MEIS2: variants seen among roughly 807,000 people sequenced by gnomAD.
MEIS2 encodes the protein Meis homeobox 2.
Under a neutral mutation model 58.6 loss-of-function variants are expected in MEIS2, and 9 were observed. The observed-to-expected ratio is 0.15, with a 90% CI of 0.09 to 0.27. The LOEUF (loss-of-function observed/expected upper bound fraction) is 0.27. Among genes scored for constraint, MEIS2 ranks in the 10% least tolerant of loss-of-function variants. The pLI, the probability that MEIS2 is intolerant of heterozygous loss-of-function variation, is 1.00. For synonymous variants in MEIS2, 221 were observed against 228.4 expected (o/e 0.97, Z 0.29); for missense variants, 427 against 635.0 (o/e 0.67, Z 3.52).
intron 8 of MEIS2, among the ~76,000 whole-genome samples, chr15:36,995,326 C>CT (rs375475758): frequency 9.1e-4 from 138 of 151,716 alleles, no homozygotes; most frequent in Non-Finnish European, 1.7e-3. Flanking sequence ...TATCCATGCA[C>CT]TTTTTTTTTC....
At chr15:36,978,857 G>A (rs1210778246) in intron 8 of MEIS2, among the ~76,000 whole-genome samples, 4 of 152,116 alleles carry the variant, frequency 2.6e-5, no homozygotes, top group Admixed American at 2.0e-4. Flanking sequence ...TGTCAAATTT[G>A]TTTCCAGTTA....
intron 9 of MEIS2, among the ~76,000 whole-genome samples, chr15:36,937,422 G>A (rs1026121779): frequency 1.3e-5 from 2 of 152,066 alleles, no homozygotes; most frequent in African/African-American, 4.8e-5. Context: ...TCTGAATAGG[G>A]GTATCTACCT....
At chr15:37,084,479 C>T in intron 6 of MEIS2, among the ~76,000 whole-genome samples, 1 of 152,062 alleles carries the variant, frequency 6.6e-6, no homozygotes, top group East Asian at 1.9e-4. Context: ...TGATATTAAT[C>T]ACTGTATCAA....
intron 9 of MEIS2, among the ~76,000 whole-genome samples, chr15:36,917,597 T>C (rs774104540): frequency 2.6e-5 from 4 of 152,208 alleles, no homozygotes; most frequent in Non-Finnish European, 5.9e-5. Flanking sequence ...ACTGTAACTG[T>C]CCTAAAAATT....
chr15:37,037,475 C>G (rs1429078251), intron 7 of MEIS2, among the ~76,000 whole-genome samples: 2 of 152,098 alleles, frequency 1.3e-5, no homozygotes, highest in African/African-American at 4.8e-5. Flanking sequence ...TCTCATATGA[C>G]CCTGCACTCG....
rs541172951 is a variant in MEIS2 at position 36,995,084 on chromosome 15, C to T, written c.900+41730G>A. 1.9e-4 allele frequency among the ~76,000 whole-genome samples: 29 copies of T among 152,312 alleles called. No individual in the cohort carries two copies. The Middle Eastern group carries it at 0.01, about 54-fold the overall frequency. ...TATATTTTGTCTGCATGAAGCAGAT[C>T]GAGTTATTACATGCCAGTGGATCAC... On this transcript the variant is annotated intron_variant, in intron 8 of 11. Coordinates refer to ENST00000561208, the MANE Select transcript of MEIS2 (RefSeq NM_170675.5).
chr15:37,040,063 T>C (rs940347331), intron 7 of MEIS2, among the ~76,000 whole-genome samples: 1 of 149,984 alleles, frequency 6.7e-6, no homozygotes, highest in Admixed American at 6.6e-5. Context: ...TTTTTTTTGT[T>C]TTAAGGCTGT....
At chr15:37,089,617 T>C (rs1291300869) in intron 6 of MEIS2, among the ~76,000 whole-genome samples, 1 of 152,186 alleles carries the variant, frequency 6.6e-6, no homozygotes, top group South Asian at 2.1e-4. Flanking sequence ...GTATCTGCTA[T>C]TAACTGTTAA....
At chr15:36,954,497 A>C (rs1050235564) in intron 8 of MEIS2, among the ~76,000 whole-genome samples, 2 of 148,436 alleles carry the variant, frequency 1.3e-5, no homozygotes, top group Non-Finnish European at 3.0e-5. Context: ...TTAAATATAA[A>C]TTAACTATAA....
At chr15:36,987,332 T>C (rs2060124919) in intron 8 of MEIS2, among the ~76,000 whole-genome samples, 1 of 148,786 alleles carries the variant, frequency 6.7e-6, no homozygotes, top group Non-Finnish European at 1.5e-5. Context: ...CATTTGAACC[T>C]GGTATGCAGA....
chr15:37,001,722 C>G (rs2060736015), intron 8 of MEIS2, among the ~76,000 whole-genome samples: 1 of 152,150 alleles, frequency 6.6e-6, no homozygotes, highest in Admixed American at 6.6e-5. Flanking sequence ...ATGGGCAGAT[C>G]ACATGCACTA....
At chr15:37,006,012 T>C (rs1280159585) in intron 8 of MEIS2, among the ~76,000 whole-genome samples, 1 of 152,232 alleles carries the variant, frequency 6.6e-6, no homozygotes, top group African/African-American at 2.4e-5. Context: ...TAAAGATCCT[T>C]TGGGAGGTGG....
At chr15:36,980,562 A>T (rs1410775799) in intron 8 of MEIS2, among the ~76,000 whole-genome samples, 1 of 152,162 alleles carries the variant, frequency 6.6e-6, no homozygotes, top group Non-Finnish European at 1.5e-5. Flanking sequence ...TGCCCCCATG[A>T]TTCAATTACT....
At chr15:36,945,885 A>G (rs1056677036) in intron 9 of MEIS2, among the ~76,000 whole-genome samples, 2 of 152,020 alleles carry the variant, frequency 1.3e-5, no homozygotes, top group African/African-American at 2.4e-5. Flanking sequence ...GCCTTCTATC[A>G]AGAAAGTAAA....
At chr15:36,920,308 C>T (rs2057452216) in intron 9 of MEIS2, among the ~76,000 whole-genome samples, 1 of 152,280 alleles carries the variant, frequency 6.6e-6, no homozygotes, top group African/African-American at 2.4e-5. Context: ...CGCCACCACG[C>T]CCGGCTAGTT....
chr15:36,898,857 G>A (rs1480469645), intron 9 of MEIS2: 1 of 152,192 alleles, frequency 6.6e-6, no homozygotes, highest in Non-Finnish European at 1.5e-5. Context: ...CATTAAAAAA[G>A]CATTCTGTGA....
chr15:36,936,014 AAG>A (rs1194260181), intron 9 of MEIS2, among the ~76,000 whole-genome samples: 1 of 152,060 alleles, frequency 6.6e-6, no homozygotes, highest in African/African-American at 2.4e-5. Flanking sequence ...CTGCTCAGAT[AAG>A]ACCCTTTAGG....
intron 8 of MEIS2, among the ~76,000 whole-genome samples, chr15:36,963,106 G>C (rs540501530): frequency 1.9e-4 from 29 of 152,262 alleles, no homozygotes; most frequent in Non-Finnish European, 3.8e-4. Context: ...CAGGTGCTGT[G>C]GCTCACGCCT....
chr15:36,927,925 A>G (rs968200420), intron 9 of MEIS2, among the ~76,000 whole-genome samples: 1 of 152,166 alleles, frequency 6.6e-6, no homozygotes, highest in Non-Finnish European at 1.5e-5. Context: ...ACATAAATAA[A>G]CAAATGCTTA....
Sources: gnomAD v4.1 joint callset for allele counts (sites outside exome capture counted in the v4.1 genomes callset) on GRCh38, gnomAD v4.1.1 for gene constraint, MANE v1.5 for transcripts, NCBI Gene and HGNC (gene_info 2026-07-23, HGNC 2026-07-21) for gene names.